Variants in ANKFN1 observed in about 807,000 individuals in gnomAD.
ANKFN1 encodes ankyrin repeat and fibronectin type III domain containing 1, also known as ankyrin repeat and fibronectin type-III domain-containing protein 1.
ANKFN1 carries 74 observed loss-of-function variants against 108.7 expected under a neutral mutation model. That is an observed-to-expected ratio of 0.68 (90% CI 0.56 to 0.83). The LOEUF is 0.83. Ranked by LOEUF, ANKFN1 falls within the 40% of genes least tolerant of loss-of-function variation. The pLI is 0.00. For missense variants in ANKFN1, 1,505 were observed against 1,382.3 expected (o/e 1.09, Z -1.41); for synonymous variants, 547 against 516.2 (o/e 1.06, Z -0.81).
At chr17:56,413,483 G>A (rs2048155042) in intron 8 of ANKFN1, among the ~76,000 whole-genome samples, 1 of 152,122 alleles carries the variant, frequency 6.6e-6, no homozygotes, top group Non-Finnish European at 1.5e-5. Context: ...AGTGACAGAG[G>A]GCATCCTTGT....
intron 6 of ANKFN1, among the ~76,000 whole-genome samples, chr17:56,370,088 C>T (rs554260233): frequency 6.6e-6 from 1 of 152,196 alleles, no homozygotes; most frequent in African/African-American, 2.4e-5. Context: ...GATCATTGCA[C>T]CCCCTACTTC....
chr17:56,077,103 G>A (rs868054211), intron 4 of ANKFN1, among the ~76,000 whole-genome samples: 13 of 152,284 alleles, frequency 8.5e-5, no homozygotes, highest in Middle Eastern at 3.4e-3. Flanking sequence ...GTTATCAATG[G>A]CTTTGTTGTG....
chr17:56,487,740 G>T (rs949106984), intron 18 of ANKFN1, among the ~76,000 whole-genome samples: 1 of 152,156 alleles, frequency 6.6e-6, no homozygotes, highest in Non-Finnish European at 1.5e-5. Flanking sequence ...CCTATAAGAG[G>T]CAGGCTATTG....
At chr17:56,428,471 T>C (rs992081507) in intron 8 of ANKFN1, among the ~76,000 whole-genome samples, 20 of 150,740 alleles carry the variant, frequency 1.3e-4, no homozygotes, top group African/African-American at 4.6e-4. Flanking sequence ...TCTTTTTTTT[T>C]TTTTTTTGAG....
chr17:56,282,497 A>C (rs1358192022), intron 3 of ANKFN1, among the ~76,000 whole-genome samples: 1 of 152,206 alleles, frequency 6.6e-6, no homozygotes, highest in Non-Finnish European at 1.5e-5. Flanking sequence ...CATTTTTGTG[A>C]ACTATAAAGT....
At chr17:56,136,919 A>G (rs1229286438) in intron 4 of ANKFN1, among the ~76,000 whole-genome samples, 3 of 152,234 alleles carry the variant, frequency 2.0e-5, no homozygotes, top group African/African-American at 7.2e-5. Flanking sequence ...AAAGATGGGG[A>G]TTCTGTTGCT....
Position 56,084,483 on chromosome 17 carries a change from G to T in ANKFN1, c.288+38158G>T, listed in dbSNP as rs111681117. Among the ~76,000 whole-genome samples, 2 of 151,330 alleles carry T rather than the reference G, an allele frequency of 1.3e-5. 1 individual carries two copies. Among genetic ancestry groups the T allele is most frequent in the Non-Finnish European group, 3.0e-5 (2 of 67,738 alleles). Reference sequence around the variant, plus strand: ...GGCTTTGCAGCACCTTGGAGAAGTCGGGAGAGGCCCTCTTAGTTCTGAGGT... The same window carrying T: ...GGCTTTGCAGCACCTTGGAGAAGTCTGGAGAGGCCCTCTTAGTTCTGAGGT... On this transcript the variant is annotated intron_variant, in intron 4 of 12. Transcript: ENST00000635860.
In ANKFN1 at chr17:56,434,553, G is replaced by T. The variant is rs182225317; in HGVS notation, c.911-5774G>T. 4.9e-4 allele frequency among the ~76,000 whole-genome samples: 74 copies of T among 152,270 alleles called. No homozygotes were observed. The East Asian group carries it at 0.01, about 21-fold the overall frequency. ...ATAAAGATTCTTGTTTGAAAGTAAT[G>T]CATGCCCCTGTTCCTAAGACTACCA... is the stretch of plus-strand genomic sequence containing the variant. On this transcript the variant is annotated intron_variant, in intron 8 of 20. Transcript: ENST00000682825.
chr17:56,280,994 C>G (rs1290903431), intron 3 of ANKFN1, among the ~76,000 whole-genome samples: 3 of 152,168 alleles, frequency 2.0e-5, no homozygotes, highest in Non-Finnish European at 2.9e-5. Flanking sequence ...GCTCTCTTCT[C>G]TTGTCTGCCA....
chr17:56,397,969 A>G (rs1036338279), intron 8 of ANKFN1, among the ~76,000 whole-genome samples: 1 of 152,176 alleles, frequency 6.6e-6, no homozygotes, highest in Non-Finnish European at 1.5e-5. Context: ...CTATGGGACA[A>G]CATGAAGTGA....
In ANKFN1 at chr17:56,280,635, G is replaced by A. The variant is rs568815788; in HGVS notation, c.54-45586G>A. On this transcript the variant is annotated intron_variant, in intron 3 of 20. Transcript: ENST00000682825. Reference sequence around the variant, plus strand: ...TGAGCCAATCCCATAATAAATCTCCGATATATCTATATATATCCCATTTGT... The same window carrying A: ...TGAGCCAATCCCATAATAAATCTCCAATATATCTATATATATCCCATTTGT... Among the ~76,000 whole-genome samples the A allele has an allele frequency of 2.0e-4, 30 of 152,134 alleles. No individual in the cohort carries two copies. In the South Asian group the frequency reaches 3.7e-3, roughly 19 times the overall value.
chr17:56,299,728 A>C (rs1159459107), intron 3 of ANKFN1, among the ~76,000 whole-genome samples: 1 of 152,202 alleles, frequency 6.6e-6, no homozygotes, highest in Non-Finnish European at 1.5e-5. Flanking sequence ...AGTGAGCATT[A>C]AATGAGATAC....
At chr17:56,231,930 C>G (rs977288659) in intron 3 of ANKFN1, among the ~76,000 whole-genome samples, 1 of 152,070 alleles carries the variant, frequency 6.6e-6, no homozygotes, top group Non-Finnish European at 1.5e-5. Context: ...CATCTTCTCT[C>G]GAAGCCCTTC....
intron 6 of ANKFN1, among the ~76,000 whole-genome samples, chr17:56,362,862 A>T (rs935524074): frequency 6.6e-6 from 1 of 152,234 alleles, no homozygotes; most frequent in Admixed American, 6.5e-5. Context: ...TAAGGGGTTA[A>T]TGTCCAAAAA....
intron 8 of ANKFN1, among the ~76,000 whole-genome samples, chr17:56,389,352 A>T (rs1049207158): frequency 6.6e-6 from 1 of 152,246 alleles, no homozygotes; most frequent in Non-Finnish European, 1.5e-5. Flanking sequence ...TTTTAAAATG[A>T]TAATAGAAGT....
chr17:56,155,008 C>T (rs1908967690), intron 1 of ANKFN1, among the ~76,000 whole-genome samples: 1 of 152,134 alleles, frequency 6.6e-6, no homozygotes, highest in African/African-American at 2.4e-5. Context: ...GTTTTCCCAA[C>T]AAAAGTAGTT....
intron 8 of ANKFN1, among the ~76,000 whole-genome samples, chr17:56,404,967 A>T (rs1013663706): frequency 2.6e-5 from 4 of 152,160 alleles, no homozygotes; most frequent in African/African-American, 4.8e-5. Flanking sequence ...ACCTAGCTCC[A>T]GTCTGATACT....
intron 19 of ANKFN1, among the ~76,000 whole-genome samples, chr17:56,497,538 A>G (rs192620581): frequency 9.9e-5 from 15 of 152,274 alleles, no homozygotes; most frequent in African/African-American, 3.1e-4. Context: ...AGGTTTGTGG[A>G]TATTCTTAAT....
At chr17:56,414,629 T>A (rs2145013001) in intron 8 of ANKFN1, among the ~76,000 whole-genome samples, 1 of 152,344 alleles carries the variant, frequency 6.6e-6, no homozygotes, top group South Asian at 2.1e-4. Flanking sequence ...TCAGTTAATG[T>A]AATATATCAT....
Sources: gnomAD v4.1 joint callset for allele counts (sites outside exome capture counted in the v4.1 genomes callset) on GRCh38, gnomAD v4.1.1 for gene constraint, MANE v1.5 for transcripts, NCBI Gene and HGNC (gene_info 2026-07-23, HGNC 2026-07-21) for gene names.